KDM7A: variants seen among roughly 807,000 people sequenced by gnomAD.
KDM7A encodes lysine demethylase 7A, also known as lysine-specific demethylase 7A.
A neutral mutation model predicts 114.8 loss-of-function variants in KDM7A; 28 were observed. The observed-to-expected ratio is 0.24, with a 90% CI of 0.18 to 0.33. KDM7A has a LOEUF of 0.33. KDM7A is among the 10% of genes least tolerant of loss of function. The probability of loss-of-function intolerance (pLI) is 1.00; values close to 1 mark genes in which losing one functional copy is unlikely to be tolerated. For synonymous variants in KDM7A, 423 were observed against 397.8 expected (o/e 1.06, Z -0.75); for missense variants, 942 against 1,142.5 (o/e 0.82, Z 2.53).
chr7:140,160,097 C>T lies in KDM7A; in HGVS notation c.194+16647G>A, dbSNP rs1019364716. Among the ~76,000 whole-genome samples the T allele has an allele frequency of 4.6e-5, 7 of 152,116 alleles. No individual in the cohort carries two copies. The East Asian group carries it at 5.8e-4, about 13-fold the overall frequency. On this transcript the variant is annotated intron_variant, in intron 1 of 19. Coordinates refer to ENST00000397560, the MANE Select transcript of KDM7A (RefSeq NM_030647.2). ...TTTTCTTACACCTATTAAAATGTAGCGTGAGCATCACTAACACGATTTAGC... is the reference window on the plus strand; with the variant it reads ...TTTTCTTACACCTATTAAAATGTAGTGTGAGCATCACTAACACGATTTAGC...
At chr7:140,173,424 G>A (rs900390502) in intron 1 of KDM7A, among the ~76,000 whole-genome samples, 2 of 152,124 alleles carry the variant, frequency 1.3e-5, no homozygotes, top group Non-Finnish European at 2.9e-5. Flanking sequence ...AAAGCATCAA[G>A]GACAGGTCTT....
At chr7:140,156,968 T>C (rs1794464395) in intron 1 of KDM7A, among the ~76,000 whole-genome samples, 1 of 152,232 alleles carries the variant, frequency 6.6e-6, no homozygotes, top group South Asian at 2.1e-4. Flanking sequence ...CTCTGCTCCA[T>C]TCTCTTATCT....
intron 7 of KDM7A, among the ~76,000 whole-genome samples, chr7:140,121,665 T>C (rs960816921): frequency 1.3e-5 from 2 of 152,210 alleles, no homozygotes; most frequent in African/African-American, 4.8e-5. Context: ...GAGTACAATA[T>C]GTGAGACAGT....
intron 4 of KDM7A, 56 bp from the exon 5 acceptor site, chr7:140,127,639 C>G: frequency 7.1e-7 from 1 of 1,399,552 alleles, no homozygotes. Flanking sequence ...TCAGCAGATG[C>G]TCTAATCAAA....
At chr7:140,136,679 G>A (rs73469863) in intron 2 of KDM7A, among the ~76,000 whole-genome samples, 2,147 of 152,278 alleles carry the variant, frequency 0.014, 18 homozygotes, top group African/African-American at 0.017. Context: ...GGACTCCTAG[G>A]GAATCTCTGA....
chr7:140,133,842 T>C (rs1038411638), intron 2 of KDM7A, among the ~76,000 whole-genome samples, 186 bp from the exon 3 acceptor site: 1 of 152,196 alleles, frequency 6.6e-6, no homozygotes, highest in African/African-American at 2.4e-5. Flanking sequence ...GACAATTAAC[T>C]GTGGATTTTT....
rs1309041344 is a variant in KDM7A, at chr7:140,090,637, TAATTTAA to T, written c.*450_*456del. Reference sequence around the variant, plus strand: ...CATGTAACACACACACTATCAAAAATAATTTAAAAACCTTCACATTCTTACATCTAAA... The same window carrying T: ...CATGTAACACACACACTATCAAAAATAAACCTTCACATTCTTACATCTAAA... On this transcript the variant is annotated 3_prime_UTR_variant, in exon 20 of 20. Transcript: ENST00000397560. 1 of 154,986 alleles carries T rather than the reference TAATTTAA, an allele frequency of 6.5e-6. No individual in the cohort carries two copies. The allele number at this position is 154,986 out of a possible 1,614,324, so 9.6% of individuals were successfully genotyped here.
chr7:140,093,056 A>G (rs1325700577), intron 18 of KDM7A, among the ~76,000 whole-genome samples: 1 of 152,248 alleles, frequency 6.6e-6, no homozygotes, highest in Non-Finnish European at 1.5e-5. Context: ...TAGAAAATAT[A>G]GACAAGCCAA....
At chr7:140,142,040 T>G in intron 1 of KDM7A, among the ~76,000 whole-genome samples, 1 of 147,582 alleles carries the variant, frequency 6.8e-6, no homozygotes, top group Middle Eastern at 3.6e-3. Flanking sequence ...ATTAAAAAGA[T>G]ATTTATATAT....
intron 11 of KDM7A, among the ~76,000 whole-genome samples, chr7:140,108,665 G>A (rs751947175): frequency 1.3e-5 from 2 of 152,196 alleles, no homozygotes; most frequent in South Asian, 2.1e-4. Flanking sequence ...GCTGTATGAG[G>A]TGTCAGTCGG....
Position 140,127,451 on chromosome 7 carries a change from G to GA in KDM7A, c.691dup (p.Ser231PhefsTer7). ...ACCCAGAACTACTCACTTTGTATCT[G>GA]AAAATTCAAGGCTGATCACATTTAA... On this transcript the variant is annotated frameshift_variant, in exon 5 of 20. Transcript: ENST00000397560. LOFTEE classifies it high-confidence loss of function. 6.2e-7 allele frequency: 1 copy of GA among 1,612,528 alleles called. No individual in the cohort carries two copies. The highest frequency in any genetic ancestry group is 8.5e-7 in the Non-Finnish European group (1 of 1,179,454).
At chr7:140,171,542 TATAA>T (rs949761368) in intron 1 of KDM7A, among the ~76,000 whole-genome samples, 80 of 140,434 alleles carry the variant, frequency 5.7e-4, no homozygotes, top group Middle Eastern at 3.7e-3. Context: ...TTTATATATT[TATAA>T]ATATATATTT....
intron 1 of KDM7A, among the ~76,000 whole-genome samples, chr7:140,145,546 A>G (rs906872800): frequency 1.3e-5 from 2 of 152,224 alleles, no homozygotes; most frequent in African/African-American, 2.4e-5. Flanking sequence ...ATCACTGCAG[A>G]TAAGTGAAAA....
intron 1 of KDM7A, among the ~76,000 whole-genome samples, chr7:140,148,599 A>C (rs971959418): frequency 6.6e-6 from 1 of 152,214 alleles, no homozygotes; most frequent in Non-Finnish European, 1.5e-5. Context: ...TTCTTACTAA[A>C]AATACTAGGA....
rs1274724261 is a variant in KDM7A, at chr7:140,096,631, G to A, written c.2298C>T (p.Leu766=). 6.2e-7 allele frequency: 1 copy of A among 1,614,162 alleles called. No individual in the cohort carries two copies. The highest frequency in any genetic ancestry group is 1.1e-5 in the South Asian group (1 of 91,086). ...TGCCATGGCAGCTGCTGGGATCCTG[G>A]AGAGAGTTTCTTTCACCACTGCAGT... ...STDCSGERNS[L]QDPSSCHGSN... is the part of the protein sequence containing the mutation. The change falls in exon 17 of 20, where the codon CTC becomes CTT. Residue 766 remains leucine, a synonymous_variant. Transcript: ENST00000397560.
intron 1 of KDM7A, among the ~76,000 whole-genome samples, chr7:140,161,271 C>G (rs2116849127): frequency 6.6e-6 from 1 of 152,340 alleles, no homozygotes; most frequent in Middle Eastern, 3.4e-3. Context: ...CCCACAAACC[C>G]AGTCCTTGGA....
chr7:140,114,492 T>C (rs1056244949), intron 9 of KDM7A, among the ~76,000 whole-genome samples: 1 of 152,114 alleles, frequency 6.6e-6, no homozygotes, highest in Non-Finnish European at 1.5e-5. Context: ...CAGGCTGGAG[T>C]GCAGTGGCGT....
intron 7 of KDM7A, among the ~76,000 whole-genome samples, chr7:140,123,854 G>A (rs780148321): frequency 2.0e-5 from 3 of 152,104 alleles, no homozygotes; most frequent in Non-Finnish European, 2.9e-5. Context: ...GGCGGATCAC[G>A]AGGTCAGGAG....
At chr7:140,107,570 T>C (rs1190964590) in intron 11 of KDM7A, among the ~76,000 whole-genome samples, 13 of 152,236 alleles carry the variant, frequency 8.5e-5, no homozygotes, top group Non-Finnish European at 1.5e-5. Flanking sequence ...GGTTGAAAAT[T>C]GTTTTCTTCA....
Sources: gnomAD v4.1 joint callset for allele counts (sites outside exome capture counted in the v4.1 genomes callset) on GRCh38, gnomAD v4.1.1 for gene constraint, MANE v1.5 for transcripts, NCBI Gene and HGNC (gene_info 2026-07-23, HGNC 2026-07-21) for gene names.